The following CAPN3 variants were observed in gnomAD, a reference collection of about 807,000 sequenced individuals.
CAPN3 encodes calpain 3.
CAPN3 carries 88 observed loss-of-function variants against 114.0 expected under a neutral mutation model. The ratio of observed to expected loss-of-function variants is 0.77; its 90% CI spans 0.65 to 0.92. The LOEUF is 0.92. CAPN3 is among the 40% of genes least tolerant of loss of function. The pLI is 0.00. For missense variants in CAPN3, 1,028 were observed against 1,069.0 expected, an observed-to-expected ratio of 0.96 and a Z score of 0.53; for synonymous variants, 386 against 382.9, an observed-to-expected ratio of 1.01 and a Z score of -0.09.
At chr15:42,365,921 A>G (rs1057249919) in intron 1 of CAPN3, among the ~76,000 whole-genome samples, 10 of 152,188 alleles carry the variant, frequency 6.6e-5, no homozygotes, top group African/African-American at 1.9e-4. Context: ...GTACACAGAA[A>G]TCTCTTGAAT....
rs147808529 is a variant in CAPN3 at position 42,387,806 on chromosome 15, G to A, written c.552G>A (p.Thr184=). 331 of 1,614,164 alleles carry A rather than the reference G, an allele frequency of 2.1e-4. No homozygotes were observed. Among genetic ancestry groups the A allele is most frequent in the Middle Eastern group, 3.3e-4 (2 of 6,062 alleles). The change falls in exon 4 of 24, where the codon ACG becomes ACA. Residue 184 remains threonine (T), a synonymous_variant. Transcript: ENST00000397163. The part of the protein sequence containing the change: ...VDVVIDDCLP[T]YNNQLVFTKS... ...TGGTTATAGATGACTGCCTGCCAAC[G>A]TACAACAATCAACTGGTTTTCACCA...
chr15:42,366,828 C>CTTTT (rs545010219), intron 1 of CAPN3, among the ~76,000 whole-genome samples: 3,514 of 127,254 alleles, frequency 0.028, 161 homozygotes, highest in African/African-American at 0.051. Flanking sequence ...TCTTTTTTTT[C>CTTTT]TTTTTTTTTT....
At chr15:42,386,334 C>A (rs555686014) in intron 3 of CAPN3, 49 bp downstream of exon 3, 1 of 1,287,628 alleles carries the variant, frequency 7.8e-7, no homozygotes. Flanking sequence ...GGCCACCCAC[C>A]GCTGGTCTCC....
At chr15:42,381,049 C>T (rs2053238608) in intron 1 of CAPN3, among the ~76,000 whole-genome samples, 1 of 151,362 alleles carries the variant, frequency 6.6e-6, no homozygotes, top group Non-Finnish European at 1.5e-5. Context: ...AAAGTATTAC[C>T]ATTTCCTTCC....
intron 1 of CAPN3, among the ~76,000 whole-genome samples, chr15:42,374,013 G>C (rs142833389): frequency 2.0e-5 from 3 of 152,190 alleles, no homozygotes; most frequent in Admixed American, 6.5e-5. Context: ...GGTGATGAAG[G>C]TTCCCTAAAG....
Position 42,359,912 on chromosome 15 carries a change from G to T in CAPN3, c.107G>T (p.Gly36Val), listed in dbSNP as rs768925755. 1 of 1,614,240 alleles carries T rather than the reference G, an allele frequency of 6.2e-7. No homozygotes were observed. The highest frequency in any genetic ancestry group is 2.2e-5 in the East Asian group (1 of 44,892). The change falls in exon 1 of 24, where the codon GGT (glycine) becomes GTT (valine). Residue 36 changes from glycine (G) to valine (V), a missense_variant. Coordinates refer to ENST00000397163, the MANE Select transcript of CAPN3 (RefSeq NM_000070.3). Reference sequence around the variant, plus strand: ...CAGAGCAAGGCCACTGAGGCTGGGGGTGGAAACCCAAGTGGCATCTATTCA... The same window carrying T: ...CAGAGCAAGGCCACTGAGGCTGGGGTTGGAAACCCAAGTGGCATCTATTCA... The part of the protein sequence containing the change: ...PAQSKATEAG[G>V]GNPSGIYSAI...
At chr15:42,402,297 G>T in intron 12 of CAPN3, 162 bp downstream of exon 12, 1 of 1,573,972 alleles carries the variant, frequency 6.4e-7, no homozygotes, top group East Asian at 2.3e-5. Context: ...GGTGCCTCAG[G>T]GCATTGCATG....
chr15:42,377,948 A>G (rs1028806686), intron 1 of CAPN3, among the ~76,000 whole-genome samples: 2 of 152,228 alleles, frequency 1.3e-5, no homozygotes, highest in Admixed American at 6.5e-5. Context: ...ATTTGTGAGC[A>G]TGGAGCTGTC....
chr15:42,360,448 C>G lies in CAPN3; in HGVS notation c.309+334C>G, dbSNP rs1460150688. On this transcript the variant is annotated intron_variant, in intron 1 of 23. Transcript: ENST00000397163. The stretch of plus-strand genomic sequence containing the variant: ...ATCCTGTAAAAATAAATATTCCTTT[C>G]TCAGAACAAATTCCAGACAGCCCAG... 3.3e-5 allele frequency among the ~76,000 whole-genome samples: 5 copies of G among 151,532 alleles called. No individual in the cohort carries two copies. In the South Asian group the frequency reaches 1.0e-3, roughly 31 times the overall value.
intron 1 of CAPN3, among the ~76,000 whole-genome samples, chr15:42,363,519 C>T (rs1485906580): frequency 6.6e-6 from 1 of 152,136 alleles, no homozygotes; most frequent in African/African-American, 2.4e-5. Flanking sequence ...GAGAACTTGA[C>T]CTGTAAAGCC....
intron 2 of CAPN3, chr15:42,385,670 C>A (rs1334538787): frequency 5.8e-6 from 3 of 519,644 alleles, no homozygotes; most frequent in African/African-American, 1.9e-5. Context: ...GTCTTACTGC[C>A]CCCTATAGAC....
intron 1 of CAPN3, among the ~76,000 whole-genome samples, chr15:42,364,317 A>G (rs2052725134): frequency 6.6e-6 from 1 of 152,226 alleles, no homozygotes; most frequent in Non-Finnish European, 1.5e-5. Context: ...CCATCTCTTA[A>G]TTAATTGAGG....
intron 14 of CAPN3, 66 bp from the exon 15 acceptor site, chr15:42,405,860 C>A: frequency 7.5e-7 from 1 of 1,334,310 alleles, no homozygotes; most frequent in South Asian, 1.2e-5. Flanking sequence ...AAGCCAAAAG[C>A]CACTGGCGGT....
chr15:42,376,738 GTTCCTCTCAGC>G (rs934673202), intron 1 of CAPN3, among the ~76,000 whole-genome samples: 3 of 152,064 alleles, frequency 2.0e-5, no homozygotes, highest in African/African-American at 7.2e-5. Context: ...GATTGCTTCT[GTTCCTCTCAGC>G]TTGTAGAGAA....
chr15:42,390,859 C>T (rs933008295), intron 6 of CAPN3, among the ~76,000 whole-genome samples: 3 of 147,794 alleles, frequency 2.0e-5, no homozygotes, highest in South Asian at 2.1e-4. Context: ...GGTGCCATCT[C>T]GGCTCACTGC....
At chr15:42,367,380 A>C (rs547327381) in intron 1 of CAPN3, among the ~76,000 whole-genome samples, 1 of 152,274 alleles carries the variant, frequency 6.6e-6, no homozygotes, top group Admixed American at 6.5e-5. Context: ...ATTCACAAGG[A>C]AGCCTGGTGC....
chr15:42,380,747 ATATATTTTTTTTT>A (rs2053225914), intron 1 of CAPN3, among the ~76,000 whole-genome samples: 1 of 58,526 alleles, frequency 1.7e-5, no homozygotes, highest in African/African-American at 1.0e-4. Context: ...ATATATATAT[ATATATTTTTTTTT>A]TTTTTTTTTT....
In CAPN3 at chr15:42,402,975, T is replaced by C; in HGVS notation, c.1718T>C (p.Val573Ala). The change falls in exon 13 of 24, where the codon GTC becomes GCC. Residue 573 changes from valine to alanine, a missense_variant. By Grantham distance (64) the Val-to-Ala change is moderately conservative. Coordinates refer to ENST00000397163, the MANE Select transcript of CAPN3 (RefSeq NM_000070.3). ...CAGGAGGGGGAATTCATCCTCCGGG[T>C]CTTCTCTGAAAAGAGGAACCTCTCT... ...PHQEGEFILR[V>A]FSEKRNLSEE... 1 of 1,614,180 alleles carries C rather than the reference T, an allele frequency of 6.2e-7. No homozygotes were observed. The highest frequency in any genetic ancestry group is 1.1e-5 in the South Asian group (1 of 91,084).
intron 7 of CAPN3, among the ~76,000 whole-genome samples, chr15:42,393,455 C>T (rs2053610881): frequency 6.6e-6 from 1 of 152,190 alleles, no homozygotes; most frequent in Non-Finnish European, 1.5e-5. Context: ...ACCTGTTGCA[C>T]ACAGTTGGGC....
Sources: allele counts gnomAD v4.1 joint callset (sites outside exome capture counted in the v4.1 genomes callset), GRCh38; gene constraint gnomAD v4.1.1; transcripts MANE v1.5; gene names NCBI Gene and HGNC (gene_info 2026-07-23, HGNC 2026-07-21).